The following MICAL2 variants were observed in gnomAD, a reference collection of about 807,000 sequenced individuals.
MICAL2 encodes the protein microtubule associated monooxygenase, calponin and LIM domain containing 2.
In MICAL2, 77 loss-of-function variants were observed where a neutral mutation model predicts 127.3. That is an observed-to-expected ratio of 0.60 (90% CI 0.50 to 0.73). The LOEUF is 0.73. Ranked by LOEUF, MICAL2 falls within the 30% of genes least tolerant of loss-of-function variation. The pLI is 0.00. For missense variants in MICAL2, 1,351 were observed against 1,434.4 expected (o/e 0.94, Z 0.94); for synonymous variants, 570 against 551.1 (o/e 1.03, Z -0.48).
In MICAL2 at chr11:12,319,694, A is replaced by G. The variant is rs1178547670; in HGVS notation, c.5213-2A>G. ...CATTGAGTTTTTCTGTTCCCATTTC[A>G]GACTCCAAGAACTTTCCCCTCAGAG... On this transcript the variant is annotated splice_acceptor_variant, in intron 29 of 34. Transcript: ENST00000646065. LOFTEE classifies it high-confidence loss of function. 1.2e-6 allele frequency: 2 copies of G among 1,608,040 alleles called. No homozygotes were observed. The highest frequency in any genetic ancestry group is 1.7e-5 in the Admixed American group (1 of 59,986).
At chr11:12,305,568 C>A (rs971722951) in intron 29 of MICAL2, among the ~76,000 whole-genome samples, 1 of 152,136 alleles carries the variant, frequency 6.6e-6, no homozygotes, top group African/African-American at 2.4e-5. Flanking sequence ...AAGAAATTAA[C>A]AACTAATGAT....
At chr11:12,344,748 A>C (rs557054059) in intron 32 of MICAL2, among the ~76,000 whole-genome samples, 95 of 149,622 alleles carry the variant, frequency 6.3e-4, no homozygotes, top group African/African-American at 2.1e-3. Context: ...TGATCCACTC[A>C]CCTCGGCCTC....
rs1290912671 is a variant in MICAL2, at chr11:12,240,888, G to T, written c.2215-152G>T. On this transcript the variant is annotated intron_variant, in intron 17 of 27. Coordinates refer to ENST00000683283, the MANE Select transcript of MICAL2 (RefSeq NM_001282663.2). ...GGCTCAAGTTTCCCAGCTGGGCCCG[G>T]CTTGCGGGAGCTCAGCCCAGTGCTT... 9 of 984,822 alleles carry T rather than the reference G, an allele frequency of 9.1e-6. No homozygotes were observed. In the South Asian group the frequency reaches 1.1e-4, roughly 12 times the overall value. The allele number at this position is 984,822 out of a possible 1,614,324, so 61.0% of individuals were successfully genotyped here.
At chr11:12,348,136 A>G (rs1938986065) in intron 32 of MICAL2, among the ~76,000 whole-genome samples, 1 of 143,358 alleles carries the variant, frequency 7.0e-6, no homozygotes. Context: ...ATTGGGCAAC[A>G]GAGAAAGACT....
At chr11:12,316,544 G>GT (rs919243690) in intron 29 of MICAL2, among the ~76,000 whole-genome samples, 17 of 151,430 alleles carry the variant, frequency 1.1e-4, no homozygotes, top group African/African-American at 2.2e-4. Context: ...TATTATAATA[G>GT]TTTTTTTTGG....
At chr11:12,156,507 G>A (rs547365448) in intron 2 of MICAL2, among the ~76,000 whole-genome samples, 83 of 152,326 alleles carry the variant, frequency 5.4e-4, no homozygotes, top group African/African-American at 1.9e-3. Context: ...TCTGTTTGTG[G>A]AAGTGACCGA....
At chr11:12,189,238 C>T (rs968184691) in intron 3 of MICAL2, among the ~76,000 whole-genome samples, 3 of 152,180 alleles carry the variant, frequency 2.0e-5, no homozygotes, top group Admixed American at 2.0e-4. Flanking sequence ...GTCCTTGCCT[C>T]TACTCTTTCC....
downstream of MICAL2, chr11:12,294,886 G>A (rs900913443): frequency 5.6e-6 from 8 of 1,430,290 alleles, no homozygotes; most frequent in African/African-American, 1.2e-4. Flanking sequence ...ATAAATGTCT[G>A]CCCTTCATGC....
chr11:12,222,834 A>G (rs1856981835), intron 11 of MICAL2, 91 bp downstream of exon 11: 1 of 1,528,062 alleles, frequency 6.5e-7, no homozygotes, highest in African/African-American at 1.4e-5. Context: ...ATTTTGGTCC[A>G]TTCCTGGGAC....
chr11:12,349,943 T>C (rs1362798013), intron 33 of MICAL2: 1 of 1,611,868 alleles, frequency 6.2e-7, no homozygotes, highest in South Asian at 1.1e-5. Context: ...ATCATGTAAG[T>C]AAGGCAACAC....
intron 33 of MICAL2, among the ~76,000 whole-genome samples, chr11:12,353,018 C>G (rs1281085395): frequency 6.6e-6 from 1 of 152,196 alleles, no homozygotes; most frequent in Non-Finnish European, 1.5e-5. Context: ...CCAGAAAGTT[C>G]TCTTAAAGGA....
downstream of MICAL2, among the ~76,000 whole-genome samples, chr11:12,288,090 C>G (rs1438783069): frequency 6.6e-6 from 1 of 152,240 alleles, no homozygotes; most frequent in East Asian, 1.9e-4. Context: ...CACCGTCACA[C>G]CAGGTCAGGC....
At chr11:12,229,918 T>C (rs1325530482) in intron 15 of MICAL2, among the ~76,000 whole-genome samples, 3 of 152,216 alleles carry the variant, frequency 2.0e-5, no homozygotes, top group Non-Finnish European at 4.4e-5. Flanking sequence ...ATTTAATCCT[T>C]GCACTCTACC....
downstream of MICAL2, chr11:12,294,146 C>T (rs1370764965): frequency 6.2e-7 from 1 of 1,613,834 alleles, no homozygotes; most frequent in African/African-American, 1.3e-5. Context: ...AGCAGGAGAG[C>T]CCCTGCCAAC....
intron 32 of MICAL2, among the ~76,000 whole-genome samples, chr11:12,340,487 G>T (rs968959255): frequency 6.6e-6 from 1 of 152,204 alleles, no homozygotes; most frequent in African/African-American, 2.4e-5. Flanking sequence ...TTTAGGCTGT[G>T]AAGTTGAATA....
rs7119144 is a variant in MICAL2, at chr11:12,136,292, A to G, written c.-148-2098A>G. On this transcript the variant is annotated intron_variant, in intron 1 of 27. Transcript: ENST00000683283. ...GTGAGCATGGGCGTGGACTCAGGCC[A>G]GCTCCATCGGGAGTCCCAGAGCTGC... 8.4e-3 allele frequency among the ~76,000 whole-genome samples: 1,273 copies of G among 152,308 alleles called. 20 individuals are homozygous for G. Among genetic ancestry groups the G allele is most frequent in the African/African-American group, 0.028 (1,178 of 41,576 alleles).
intron 3 of MICAL2, chr11:12,196,192 G>T (rs1859895952): frequency 6.5e-6 from 1 of 153,462 alleles, no homozygotes; most frequent in Admixed American, 6.5e-5. Flanking sequence ...TTGGTGGATT[G>T]GTTGTGAGGT....
chr11:12,359,765 A>G (rs1396861220), downstream of MICAL2, among the ~76,000 whole-genome samples: 1 of 152,214 alleles, frequency 6.6e-6, no homozygotes, highest in Non-Finnish European at 1.5e-5. Flanking sequence ...GATTCTTTGA[A>G]GATTTAGTCT....
downstream of MICAL2, among the ~76,000 whole-genome samples, chr11:12,361,972 G>A (rs1589928131): frequency 2.0e-5 from 3 of 152,314 alleles, no homozygotes; most frequent in East Asian, 5.8e-4. Flanking sequence ...GAAAGTGTAC[G>A]ATTTCATCTA....
Sources: allele counts gnomAD v4.1 joint callset (sites outside exome capture counted in the v4.1 genomes callset), GRCh38; gene constraint gnomAD v4.1.1; transcripts MANE v1.5; gene names NCBI Gene and HGNC (gene_info 2026-07-23, HGNC 2026-07-21).